The following ZIC4 variants were observed in gnomAD, a reference collection of about 807,000 sequenced individuals.
ZIC4 encodes the protein Zic family zinc finger 4, also known as zinc finger protein ZIC 4.
In ZIC4, 15 loss-of-function variants were observed where a neutral mutation model predicts 28.8. The observed-to-expected ratio is 0.52, with a 90% CI of 0.35 to 0.80. The LOEUF (loss-of-function observed/expected upper bound fraction) is 0.80. Among genes scored for constraint, ZIC4 ranks in the 30% least tolerant of loss-of-function variants. The pLI, the probability that ZIC4 is intolerant of heterozygous loss-of-function variation, is 0.01. For missense variants in ZIC4, 512 were observed against 467.1 expected (o/e 1.10, Z -0.89); for synonymous variants, 220 against 198.1 (o/e 1.11, Z -0.93).
intron 2 of ZIC4, among the ~76,000 whole-genome samples, chr3:147,400,318 C>T (rs2087138976): frequency 6.6e-6 from 1 of 152,162 alleles, no homozygotes. Flanking sequence ...AGTCACTTTG[C>T]CTTTGAAAAG....
intron 1 of ZIC4, among the ~76,000 whole-genome samples, chr3:147,403,141 T>A (rs1454171639): frequency 6.6e-6 from 1 of 152,140 alleles, no homozygotes; most frequent in East Asian, 1.9e-4. Flanking sequence ...CTTCCCAAAT[T>A]TGAATTAATT....
chr3:147,395,706 C>A (rs1297079904), intron 3 of ZIC4, 146 bp downstream of exon 3: 1 of 1,283,818 alleles, frequency 7.8e-7, no homozygotes, highest in African/African-American at 1.5e-5. Context: ...AGAATAGAAG[C>A]GCATAATTAA....
At chr3:147,394,117 C>CCCTCTCTCT (rs1553766572) in intron 3 of ZIC4, among the ~76,000 whole-genome samples, 3 of 145,118 alleles carry the variant, frequency 2.1e-5, no homozygotes, top group African/African-American at 7.7e-5. Context: ...ATTTTTTTTC[C>CCCTCTCTCT]CTCTCTCTCT....
chr3:147,397,407 C>T (rs939514604), intron 2 of ZIC4, among the ~76,000 whole-genome samples: 2 of 150,328 alleles, frequency 1.3e-5, no homozygotes, highest in African/African-American at 4.9e-5. Flanking sequence ...TACCCTCTTT[C>T]CCTCCCTCAC....
rs1576452970 is a variant in ZIC4, at chr3:147,388,779, G to A, written c.*80C>T. 5.3e-6 allele frequency: 4 copies of A among 756,716 alleles called. No homozygotes were observed. The highest frequency in any genetic ancestry group is 1.7e-5 in the African/African-American group (1 of 57,634). The allele number at this position is 756,716 out of a possible 1,614,324, so 46.9% of individuals were successfully genotyped here. On this transcript the variant is annotated 3_prime_UTR_variant, in exon 5 of 5. Transcript: ENST00000383075. Reference sequence around the variant, plus strand: ...CGAAGAAACACTGCTTTGTGCGCGGGCCCTTTGATGTAGCAGGCGCGAGAT... The same window carrying A: ...CGAAGAAACACTGCTTTGTGCGCGGACCCTTTGATGTAGCAGGCGCGAGAT...
At chr3:147,404,101 T>G (rs767851460) in intron 1 of ZIC4, 1 of 1,536,298 alleles carries the variant, frequency 6.5e-7, no homozygotes, top group Non-Finnish European at 8.7e-7. Flanking sequence ...GGCGGCATGC[T>G]GGGCGTCCTC....
chr3:147,394,139 T>C (rs562822528), intron 3 of ZIC4, among the ~76,000 whole-genome samples: 2 of 151,508 alleles, frequency 1.3e-5, no homozygotes, highest in South Asian at 4.2e-4. Flanking sequence ...TCTCTCTCTC[T>C]CTCACTCTCT....
At chr3:147,399,313 T>G (rs1017209435) in intron 2 of ZIC4, among the ~76,000 whole-genome samples, 4 of 152,156 alleles carry the variant, frequency 2.6e-5, no homozygotes, top group African/African-American at 9.7e-5. Context: ...AGGTCTCCAG[T>G]GAAAGGTTTA....
At chr3:147,406,296 G>A (rs938176874) in intron 1 of ZIC4, 67 bp downstream of exon 1, 1 of 152,420 alleles carries the variant, frequency 6.6e-6, no homozygotes, top group Admixed American at 6.5e-5. Flanking sequence ...TCCCCTTGAG[G>A]GTACTTGCTA....
chr3:147,388,664 T>C lies in ZIC4; in HGVS notation c.*195A>G, dbSNP rs2086842970. ...AATATTATGTCCTTAATGAAAAGCCTGGACGGGCTCCAGGCTTGGCCTTTC... is the reference window on the plus strand; with the variant it reads ...AATATTATGTCCTTAATGAAAAGCCCGGACGGGCTCCAGGCTTGGCCTTTC... On this transcript the variant is annotated 3_prime_UTR_variant, in exon 5 of 5. Coordinates refer to ENST00000383075, the MANE Select transcript of ZIC4 (RefSeq NM_032153.6). 1.7e-6 allele frequency: 1 copy of C among 585,008 alleles called. No individual in the cohort carries two copies. The highest frequency in any genetic ancestry group is 3.1e-6 in the Non-Finnish European group (1 of 325,228). The allele number at this position is 585,008 out of a possible 1,614,324, so 36.2% of individuals were successfully genotyped here. A position where few individuals can be genotyped will look rare whatever the true frequency, so the allele number is the denominator to read the frequency against.
At position 147,396,266 on chromosome 3, in the gene ZIC4, C is replaced by G. The variant is rs541468085; in HGVS notation, c.274G>C (p.Ala92Pro). 1 of 1,611,608 alleles carries G rather than the reference C, an allele frequency of 6.2e-7. No homozygotes were observed. Residue 92 changes from alanine to proline, a missense_variant, in exon 3 of 5, where the codon GCC becomes CCC. Ala to Pro is a conservative substitution (Grantham distance 27). Coordinates refer to ENST00000383075, the MANE Select transcript of ZIC4 (RefSeq NM_032153.6). This position sits in a 1 kb window ranked among gnomAD's most constrained non-coding sequence, Gnocchi z 4.2. ...PAARSDALAA[A>P]AALHGYGGMN... ...CCCCCGTAGCCATGCAGGGCTGCGG[C>G]AGCTGCCAGGGCGTCGCTGCGGGCC...
At chr3:147,393,613 G>C (rs1401599095) in intron 3 of ZIC4, 2 of 281,922 alleles carry the variant, frequency 7.1e-6, no homozygotes, top group African/African-American at 2.3e-5. Context: ...AACAAAGTTC[G>C]GAAGCTCGGG....
Position 147,388,607 on chromosome 3 carries a change from G to A in ZIC4, c.*252C>T. Reference sequence around the variant, plus strand: ...CCGCGTCAAACAAAAATATATACTTGTATACACAAGAAAAAAGGTCTGTTA... The same window carrying A: ...CCGCGTCAAACAAAAATATATACTTATATACACAAGAAAAAAGGTCTGTTA... On this transcript the variant is annotated 3_prime_UTR_variant, in exon 5 of 5. Transcript: ENST00000383075. The A allele has an allele frequency of 4.1e-6, 2 of 492,986 alleles. No individual in the cohort carries two copies. Among genetic ancestry groups the A allele is most frequent in the East Asian group, 3.2e-5 (1 of 31,742 alleles). 30.5% of individuals were successfully genotyped at this position (492,986 alleles called of 1,614,324 possible).
chr3:147,399,938 T>A (rs2107980147), intron 2 of ZIC4, among the ~76,000 whole-genome samples: 1 of 152,254 alleles, frequency 6.6e-6, no homozygotes, highest in East Asian at 1.9e-4. Flanking sequence ...AGTGCTGGGA[T>A]TACAGGCGTG....
chr3:147,403,937 G>A (rs2087220098), intron 1 of ZIC4: 1 of 1,532,100 alleles, frequency 6.5e-7, no homozygotes, highest in East Asian at 2.4e-5. Context: ...CTAGGTCCAG[G>A]CCTAGGAGGC....
chr3:147,400,598 A>G (rs1287658300), intron 2 of ZIC4, among the ~76,000 whole-genome samples: 1 of 152,232 alleles, frequency 6.6e-6, no homozygotes, highest in African/African-American at 2.4e-5. Context: ...TAAACCCAGC[A>G]ATGGGACCAG....
In ZIC4 at chr3:147,386,466, G is replaced by A. The variant is rs2086799039; in HGVS notation, c.*2393C>T. 1 of 152,638 alleles carries A rather than the reference G, an allele frequency of 6.6e-6. No individual in the cohort carries two copies. Among genetic ancestry groups the A allele is most frequent in the African/African-American group, 2.4e-5 (1 of 41,452 alleles). 9.5% of individuals were successfully genotyped at this position (152,638 alleles called of 1,614,324 possible). A position where few individuals can be genotyped will look rare whatever the true frequency, so the allele number is the denominator to read the frequency against. ...ATAAACAAACATATGGAGACCTTCAGTTAACAAATAAAATCAATATCAGGA... is the reference window on the plus strand; with the variant it reads ...ATAAACAAACATATGGAGACCTTCAATTAACAAATAAAATCAATATCAGGA... On this transcript the variant is annotated 3_prime_UTR_variant, in exon 5 of 5. Coordinates refer to ENST00000383075, the MANE Select transcript of ZIC4 (RefSeq NM_032153.6).
chr3:147,392,174 C>T (rs1342703956), intron 3 of ZIC4: 1 of 985,562 alleles, frequency 1.0e-6, no homozygotes, highest in Non-Finnish European at 1.2e-6. Context: ...CGGTAGGGTC[C>T]GCACAGGCCA....
chr3:147,400,680 T>C (rs1416046433), intron 2 of ZIC4, among the ~76,000 whole-genome samples: 8 of 152,198 alleles, frequency 5.3e-5, no homozygotes, highest in Admixed American at 5.2e-4. Flanking sequence ...AGGTATATCT[T>C]TGAAATAAGC....
Sources: gnomAD v4.1 joint callset for allele counts (sites outside exome capture counted in the v4.1 genomes callset) on GRCh38, gnomAD v4.1.1 for gene constraint, Gnocchi (gnomAD v3.1) non-coding constraint, MANE v1.5 for transcripts, NCBI Gene and HGNC (gene_info 2026-07-23, HGNC 2026-07-21) for gene names.